The following CHD3 variants were observed in gnomAD, a reference collection of about 807,000 sequenced individuals.
The protein encoded by CHD3 is ATP-dependent chromatin remodeler CHD3.
CHD3 carries 52 observed loss-of-function variants against 248.9 expected under a neutral mutation model. That is an observed-to-expected ratio of 0.21 (90% confidence interval 0.17 to 0.26). The LOEUF is 0.26. CHD3 is among the 10% of genes least tolerant of loss of function. The probability of loss-of-function intolerance (pLI) is 1.00; values close to 1 mark genes in which losing one functional copy is unlikely to be tolerated. For synonymous variants in CHD3, 985 were observed against 985.2 expected, an observed-to-expected ratio of 1.00 and a Z score of 0.00; for missense variants, 1,482 against 2,605.8, an observed-to-expected ratio of 0.57 and a Z score of 9.39.
Position 7,903,756 on chromosome 17 carries a change from T to C in CHD3, c.3728-69T>C. ...GGGCTCCTGTGAAAAGGACGCAGAGTAGAAGCTTTCCCATCAGCCTTTCTA... is the reference window on the plus strand; with the variant it reads ...GGGCTCCTGTGAAAAGGACGCAGAGCAGAAGCTTTCCCATCAGCCTTTCTA... On this transcript the variant is annotated intron_variant, in intron 23 of 39. Coordinates refer to ENST00000330494, the MANE Select transcript of CHD3 (RefSeq NM_001005273.3). The surrounding 1 kb of genome is among the most constrained non-coding windows in gnomAD (Gnocchi z 6.8). 1 of 1,538,822 alleles carries C rather than the reference T, an allele frequency of 6.5e-7. No individual in the cohort carries two copies. The highest frequency in any genetic ancestry group is 8.9e-7 in the Non-Finnish European group (1 of 1,122,712).
chr17:7,894,171 C>G lies in CHD3; in HGVS notation c.981C>G (p.Asp327Glu). ...PEPEAEESDL[D>E]SGSVHSASGR... is the part of the protein sequence containing the mutation. ...CAGAGGCTGAGGAATCAGACCTGGA[C>G]AGTGGCAGTGTCCACAGTGCCTCAG... The change falls in exon 7 of 40, where the codon GAC (aspartate) becomes GAG (glutamate). Residue 327 changes from aspartate to glutamate, a missense_variant. This residue lies in a region of CHD3 where 149 missense variants were observed against 182.6 expected (regional missense o/e 0.82). Transcript: ENST00000330494. The G allele has an allele frequency of 6.2e-7, 1 of 1,614,232 alleles. No homozygotes were observed. Among genetic ancestry groups the G allele is most frequent in the Non-Finnish European group, 8.5e-7 (1 of 1,180,024 alleles).
At chr17:7,892,087 A>T (rs1968952400) in intron 4 of CHD3, among the ~76,000 whole-genome samples, 1 of 152,196 alleles carries the variant, frequency 6.6e-6, no homozygotes, top group Non-Finnish European at 1.5e-5. Flanking sequence ...AATGAATGGA[A>T]AGCACAGTAC....
At position 7,895,941 on chromosome 17, in the gene CHD3, C is replaced by A. The variant is rs1386311715; in HGVS notation, c.1707+399C>A. On this transcript the variant is annotated intron_variant, in intron 10 of 39. Transcript: ENST00000330494. The surrounding 1 kb of genome is among the most constrained non-coding windows in gnomAD (Gnocchi z 4.9). The stretch of plus-strand genomic sequence containing the variant: ...CCCCATCTCTGTTTAAAAAAAAATT[C>A]TCGGCTGGGTGTGGTGGCTCACGCC... Among the ~76,000 whole-genome samples, 3 of 151,942 alleles carry A rather than the reference C, an allele frequency of 2.0e-5. No individual in the cohort carries two copies. The highest frequency in any genetic ancestry group is 4.4e-5 in the Non-Finnish European group (3 of 67,988).
chr17:7,896,436 G>A (rs1289794714), intron 10 of CHD3, among the ~76,000 whole-genome samples: 3 of 135,402 alleles, frequency 2.2e-5, no homozygotes, highest in African/African-American at 5.6e-5. Context: ...ATGGAGTTTC[G>A]CTCTTGTTGC....
At position 7,893,856 on chromosome 17, in the gene CHD3, AG is replaced by A. The variant is rs1567841704; in HGVS notation, c.846del (p.Lys283SerfsTer12). 6.3e-7 allele frequency: 1 copy of A among 1,597,630 alleles called. No individual in the cohort carries two copies. The highest frequency in any genetic ancestry group is 8.5e-7 in the Non-Finnish European group (1 of 1,169,794). ...SKSPRVPDGR[K>X]KLRGKKMAPL... ...AGCCCCCGAGTGCCTGATGGACGCAAGAAGCTTCGGGGAAAGAAAATGGCAC... is the reference window on the plus strand; with the variant it reads ...AGCCCCCGAGTGCCTGATGGACGCAAAAGCTTCGGGGAAAGAAAATGGCAC... On this transcript the variant is annotated frameshift_variant, in exon 6 of 40. Coordinates refer to ENST00000330494, the MANE Select transcript of CHD3 (RefSeq NM_001005273.3). LOFTEE classifies it high-confidence loss of function.
intron 4 of CHD3, 121 bp from the exon 5 acceptor site, chr17:7,893,165 T>A: frequency 1.5e-6 from 2 of 1,336,722 alleles, no homozygotes; most frequent in Non-Finnish European, 2.0e-6. Context: ...TTTTTCCTAA[T>A]AGGACATATT....
At position 7,899,424 on chromosome 17, in the gene CHD3, C is replaced by T; in HGVS notation, c.2425C>T (p.Pro809Ser). The change falls in exon 15 of 40, where the codon CCC (proline) becomes TCC (serine). Residue 809 changes from proline (P) to serine (S), a missense_variant. Coordinates refer to ENST00000330494, the MANE Select transcript of CHD3 (RefSeq NM_001005273.3). The surrounding 1 kb of genome is among the most constrained non-coding windows in gnomAD (Gnocchi z 6.8). ...GGAGCGGGAGTTCCAGATGTGGGCA[C>T]CCAAATTCTATGTGGTGACATACAC... Reference protein sequence around the residue: ...NWEREFQMWAPKFYVVTYTGD... With the variant: ...NWEREFQMWASKFYVVTYTGD... The T allele has an allele frequency of 6.2e-7, 1 of 1,614,110 alleles. No homozygotes were observed. The highest frequency in any genetic ancestry group is 8.5e-7 in the Non-Finnish European group (1 of 1,180,022).
chr17:7,901,787 T>C (rs1970354702), intron 20 of CHD3, among the ~76,000 whole-genome samples: 1 of 151,954 alleles, frequency 6.6e-6, no homozygotes. Flanking sequence ...CTGGGATTAC[T>C]GTATAGCAAG....
Position 7,899,187 on chromosome 17 carries a change from C to T in CHD3, c.2328C>T (p.Tyr776=), listed in dbSNP as rs1414291457. 6.2e-7 allele frequency: 1 copy of T among 1,613,718 alleles called. No homozygotes were observed. The highest frequency in any genetic ancestry group is 1.7e-5 in the Admixed American group (1 of 59,970). The stretch of plus-strand genomic sequence containing the variant: ...CCATACAAACCATCGTCTTCCTCTA[C>T]TCACTCTACAAGGAGGTGCTGGATT... The part of the protein sequence containing the change: ...GKTIQTIVFL[Y]SLYKEGHTKG... Residue 776 remains tyrosine, a synonymous_variant, in exon 14 of 40, where the codon TAC becomes TAT. Transcript: ENST00000330494. This position sits in a 1 kb window ranked among gnomAD's most constrained non-coding sequence, Gnocchi z 6.8.
chr17:7,888,408 C>G (rs59090856), upstream of CHD3, among the ~76,000 whole-genome samples: 6,370 of 152,296 alleles, frequency 0.042, 224 homozygotes, highest in Admixed American at 0.1. Flanking sequence ...GGGCCAAGCC[C>G]AGGCTTTCCC....
rs368898360 is a variant in CHD3 at position 7,908,000 on chromosome 17, C to T, written c.5133C>T (p.Ile1711=). 15 of 1,605,542 alleles carry T rather than the reference C, an allele frequency of 9.3e-6. No individual in the cohort carries two copies. Among genetic ancestry groups the T allele is most frequent in the Middle Eastern group, 1.7e-4 (1 of 6,042 alleles). The change falls in exon 34 of 40, where the codon ATC becomes ATT. Residue 1711 remains isoleucine, a synonymous_variant. Transcript: ENST00000330494. The surrounding 1 kb of genome is among the most constrained non-coding windows in gnomAD (Gnocchi z 4.3). ...KTEKPRFMFN[I]ADGGFTELHT... ...AGAAGCCCCGGTTCATGTTCAATATCGCCGATGGTGGCTTCACAGGTTGGG... is the reference window on the plus strand; with the variant it reads ...AGAAGCCCCGGTTCATGTTCAATATTGCCGATGGTGGCTTCACAGGTTGGG...
At position 7,894,987 on chromosome 17, in the gene CHD3, G is replaced by A. The variant is rs757304805; in HGVS notation, c.1340G>A (p.Gly447Glu). ...TACGAAGAGGAGGGAGAGGAAGAAG[G>A]GGAGAAGGAGGAGGAGGATGATCAC... is the stretch of plus-strand genomic sequence containing the variant. ...EEYEEEGEEE[G>E]EKEEEDDHME... is the part of the protein sequence containing the mutation. Residue 447 changes from glycine (G) to glutamate (E), a missense_variant, in exon 9 of 40, where the codon GGG (glycine) becomes GAG (glutamate). Gly to Glu is a moderately conservative substitution (Grantham distance 98, BLOSUM62 -2). Around this residue, in one of 20 missense-constraint regions of CHD3, gnomAD observed 138 missense variants for 241.1 expected, o/e 0.57. Transcript: ENST00000330494. 1.9e-6 allele frequency: 3 copies of A among 1,613,970 alleles called. No individual in the cohort carries two copies. Among genetic ancestry groups the A allele is most frequent in the African/African-American group, 1.3e-5 (1 of 75,030 alleles).
chr17:7,907,046 G>A lies in CHD3; in HGVS notation c.4666+15G>A. On this transcript the variant is annotated intron_variant, in intron 30 of 39. Coordinates refer to ENST00000330494, the MANE Select transcript of CHD3 (RefSeq NM_001005273.3). The surrounding 1 kb of genome is among the most constrained non-coding windows in gnomAD (Gnocchi z 4.3). ...CTCTAAACCTGGTAATCAGAAGTCAGGATGGTGGGAGAGACAGAAAGGGAG... is the reference window on the plus strand; with the variant it reads ...CTCTAAACCTGGTAATCAGAAGTCAAGATGGTGGGAGAGACAGAAAGGGAG... 6.2e-7 allele frequency: 1 copy of A among 1,614,016 alleles called. No homozygotes were observed. Among genetic ancestry groups the A allele is most frequent in the Non-Finnish European group, 8.5e-7 (1 of 1,179,904 alleles).
At position 7,904,164 on chromosome 17, in the gene CHD3, A is replaced by G. The variant is rs1970637057; in HGVS notation, c.3894+173A>G. On this transcript the variant is annotated intron_variant, in intron 24 of 39. Coordinates refer to ENST00000330494, the MANE Select transcript of CHD3 (RefSeq NM_001005273.3). The surrounding 1 kb of genome is among the most constrained non-coding windows in gnomAD (Gnocchi z 4.4). ...ACTTCAGAGAGAAACGTAGGCACAGACAGTACTGGTAAACACAGAAGGGTA... is the reference window on the plus strand; with the variant it reads ...ACTTCAGAGAGAAACGTAGGCACAGGCAGTACTGGTAAACACAGAAGGGTA... The G allele has an allele frequency of 3.0e-6, 2 of 671,094 alleles. No individual in the cohort carries two copies. Among genetic ancestry groups the G allele is most frequent in the Non-Finnish European group, 5.0e-6 (2 of 396,834 alleles). 41.6% of individuals were successfully genotyped at this position (671,094 alleles called of 1,614,324 possible). A position where few individuals can be genotyped will look rare whatever the true frequency, so the allele number is the denominator to read the frequency against.
In CHD3 at chr17:7,899,050, G is replaced by A; in HGVS notation, c.2191G>A (p.Ala731Thr). ...TGAGACTCAGCCACGGTTTATCACA[G>A]CCACTGGAGGCACCCTGCACATGTA... Reference protein sequence around the residue: ...KYETQPRFITATGGTLHMYQL... With the variant: ...KYETQPRFITTTGGTLHMYQL... The change falls in exon 14 of 40, where the codon GCC becomes ACC. Residue 731 changes from alanine (A) to threonine (T), a missense_variant. Physicochemically the swap from Ala to Thr is moderately conservative, Grantham distance 58. Around this residue, in one of 20 missense-constraint regions of CHD3, gnomAD observed 127 missense variants for 188.3 expected, o/e 0.67. Coordinates refer to ENST00000330494, the MANE Select transcript of CHD3 (RefSeq NM_001005273.3). This position sits in a 1 kb window ranked among gnomAD's most constrained non-coding sequence, Gnocchi z 6.8. 1 of 1,614,140 alleles carries A rather than the reference G, an allele frequency of 6.2e-7. No homozygotes were observed. Among genetic ancestry groups the A allele is most frequent in the Non-Finnish European group, 8.5e-7 (1 of 1,180,024 alleles).
In CHD3 at chr17:7,889,760, G is replaced by A. The variant is rs764841082; in HGVS notation, c.197G>A (p.Arg66Gln). 5 of 1,611,584 alleles carry A rather than the reference G, an allele frequency of 3.1e-6. No individual in the cohort carries two copies. The highest frequency in any genetic ancestry group is 1.3e-5 in the African/African-American group (1 of 74,838). Residue 66 changes from arginine (R) to glutamine (Q), a missense_variant, in exon 2 of 40, where the codon CGA (arginine) becomes CAA (glutamine). Arg to Gln is a conservative substitution (Grantham distance 43). Coordinates refer to ENST00000330494, the MANE Select transcript of CHD3 (RefSeq NM_001005273.3). This position sits in a 1 kb window ranked among gnomAD's most constrained non-coding sequence, Gnocchi z 4.5. ...AAGGAGAACAAGCCAGGAAAACCCC[G>A]AAAACGCAAGAAGCGTGTAAGTGTC... ...KQKENKPGKP[R>Q]KRKKRDSEEE...
chr17:7,888,705 C>A, upstream of CHD3: 1 of 669,676 alleles, frequency 1.5e-6, no homozygotes, highest in Non-Finnish European at 2.1e-6. Flanking sequence ...GATTTGTGGG[C>A]CTGAGAGTGT....
rs372395250 is a variant in CHD3 at position 7,911,532 on chromosome 17, G to A, written c.5950G>A (p.Gly1984Arg). Residue 1984 changes from glycine (G) to arginine (R), a missense_variant, in exon 40 of 40, where the codon GGG becomes AGG. Physicochemically the swap from Gly to Arg is moderately radical, Grantham distance 125. This residue lies in a region of CHD3 where 117 missense variants were observed against 137.2 expected (regional missense o/e 0.85). Coordinates refer to ENST00000330494, the MANE Select transcript of CHD3 (RefSeq NM_001005273.3). This position sits in a 1 kb window ranked among gnomAD's most constrained non-coding sequence, Gnocchi z 5.4. ...KEMVGALVSD[G>R]LDRKEPRAGE... is the part of the protein sequence containing the mutation. Reference sequence around the variant, plus strand: ...AATGGTGGGGGCATTGGTGTCAGACGGGCTGGATCGGAAGGAGCCCCGAGC... The same window carrying A: ...AATGGTGGGGGCATTGGTGTCAGACAGGCTGGATCGGAAGGAGCCCCGAGC... 4.8e-5 allele frequency: 77 copies of A among 1,614,198 alleles called. No individual in the cohort carries two copies. The African/African-American group carries it at 8.1e-4, about 17-fold the overall frequency.
chr17:7,905,110 A>G lies in CHD3; in HGVS notation c.4083A>G (p.Ser1361=). ...TTTCCACCCCCACAGACAACCAGTC[A>G]GAGTACTCGGTGGGTTCAGAGGAGG... ...DAAQEDQDNQ[S]EYSVGSEEED... The change falls in exon 26 of 40, where the codon TCA becomes TCG. Residue 1361 remains serine (S), a synonymous_variant. Transcript: ENST00000330494. This position sits in a 1 kb window ranked among gnomAD's most constrained non-coding sequence, Gnocchi z 5.8. 1 of 1,613,522 alleles carries G rather than the reference A, an allele frequency of 6.2e-7. No homozygotes were observed. Among genetic ancestry groups the G allele is most frequent in the Non-Finnish European group, 8.5e-7 (1 of 1,179,464 alleles).
Sources: allele counts gnomAD v4.1 joint callset (sites outside exome capture counted in the v4.1 genomes callset), GRCh38; gene constraint gnomAD v4.1.1; regional missense constraint gnomAD v4.1.1; non-coding constraint Gnocchi (gnomAD v3.1); transcripts MANE v1.5; gene names NCBI Gene and HGNC (gene_info 2026-07-23, HGNC 2026-07-21).